Variants in BBS9 observed in about 807,000 individuals in gnomAD.
BBS9 encodes Bardet-Biedl syndrome 9, also known as protein PTHB1.
Under a neutral mutation model 117.7 loss-of-function variants are expected in BBS9, and 89 were observed. The ratio of observed to expected loss-of-function variants is 0.76; its 90% CI spans 0.64 to 0.90. The LOEUF (loss-of-function observed/expected upper bound fraction) is 0.90, where lower values mean the gene tolerates loss of function less well. Ranked by LOEUF, BBS9 falls within the 40% of genes least tolerant of loss-of-function variation. BBS9 has a pLI of 0.00. For missense variants in BBS9, 982 were observed against 1,042.2 expected, an observed-to-expected ratio of 0.94 and a Z score of 0.80; for synonymous variants, 379 against 370.9, an observed-to-expected ratio of 1.02 and a Z score of -0.25.
rs138740984 is a variant in BBS9, at chr7:33,261,417, T to C, written c.618-2873T>C. Among the ~76,000 whole-genome samples the C allele has an allele frequency of 2.3e-4, 35 of 152,302 alleles. No homozygotes were observed. The East Asian group carries it at 5.6e-3, about 24-fold the overall frequency. ...AGAGTGAAAAGTGTATAAAGAAAGCTTCTGTTTTGTTACTGGCATCTTTCA... is the reference window on the plus strand; with the variant it reads ...AGAGTGAAAAGTGTATAAAGAAAGCCTCTGTTTTGTTACTGGCATCTTTCA... On this transcript the variant is annotated intron_variant, in intron 6 of 22. Transcript: ENST00000242067.
At chr7:33,503,590 A>C (rs184478177) in intron 19 of BBS9, among the ~76,000 whole-genome samples, 2 of 152,298 alleles carry the variant, frequency 1.3e-5, no homozygotes, top group Admixed American at 1.3e-4. Context: ...GTCACCATTG[A>C]ATTCCCTACA....
intron 19 of BBS9, among the ~76,000 whole-genome samples, chr7:33,464,763 A>C: frequency 6.6e-6 from 1 of 152,144 alleles, no homozygotes; most frequent in Middle Eastern, 3.4e-3. Context: ...AGTCTATTAC[A>C]TAACTATTAT....
intron 15 of BBS9, 95 bp downstream of exon 15, chr7:33,352,968 A>C (rs1010095281): frequency 2.1e-5 from 27 of 1,307,488 alleles, no homozygotes; most frequent in Middle Eastern, 1.8e-4. Context: ...CTTTTTATGG[A>C]CTGCTCTTTT....
chr7:33,474,259 C>T (rs1194176849), intron 19 of BBS9, among the ~76,000 whole-genome samples: 1 of 152,132 alleles, frequency 6.6e-6, no homozygotes, highest in East Asian at 1.9e-4. Flanking sequence ...TTGCTTCAAA[C>T]CAGAATTGTT....
intron 1 of BBS9, among the ~76,000 whole-genome samples, chr7:33,136,876 G>A (rs1351212000): frequency 6.6e-6 from 1 of 152,128 alleles, no homozygotes; most frequent in East Asian, 1.9e-4. Flanking sequence ...TTTTGGAGTG[G>A]TTTTTGAAGA....
At chr7:33,463,217 A>G (rs530496719) in intron 19 of BBS9, among the ~76,000 whole-genome samples, 1 of 152,232 alleles carries the variant, frequency 6.6e-6, no homozygotes, top group East Asian at 1.9e-4. Context: ...GACAAAACCA[A>G]ACCAAAATCC....
chr7:33,223,193 T>C (rs947393304), intron 5 of BBS9, among the ~76,000 whole-genome samples: 1 of 152,106 alleles, frequency 6.6e-6, no homozygotes, highest in African/African-American at 2.4e-5. Context: ...ATAAAACTTT[T>C]ATATATTTAT....
chr7:33,442,470 A>G (rs989411298), intron 19 of BBS9, among the ~76,000 whole-genome samples: 1 of 152,206 alleles, frequency 6.6e-6, no homozygotes, highest in African/African-American at 2.4e-5. Flanking sequence ...TATTTGAAGT[A>G]CTTTGGAAAC....
At chr7:33,282,059 T>C (rs969203585) in intron 9 of BBS9, among the ~76,000 whole-genome samples, 3 of 152,044 alleles carry the variant, frequency 2.0e-5, no homozygotes, top group Non-Finnish European at 4.4e-5. Flanking sequence ...AGAGATCCTC[T>C]TTCCTTGGCC....
chr7:33,382,305 C>T (rs749136582), intron 17 of BBS9, among the ~76,000 whole-genome samples: 3 of 151,818 alleles, frequency 2.0e-5, no homozygotes, highest in Non-Finnish European at 2.9e-5. Flanking sequence ...ACTAAAAATA[C>T]AAAAATTGGC....
chr7:33,351,484 G>T, intron 14 of BBS9, 161 bp downstream of exon 14: 1 of 677,986 alleles, frequency 1.5e-6, no homozygotes. Context: ...TATGTGTTAT[G>T]AGTAGTTCGT....
rs147258790 is a variant in BBS9 at position 33,200,588 on chromosome 7, A to G, written c.442+22997A>G. Among the ~76,000 whole-genome samples, 5 of 152,258 alleles carry G rather than the reference A, an allele frequency of 3.3e-5. No individual in the cohort carries two copies. In the East Asian group the frequency reaches 9.6e-4, roughly 29 times the overall value. On this transcript the variant is annotated intron_variant, in intron 5 of 22. Transcript: ENST00000242067. Reference sequence around the variant, plus strand: ...ATTTTTAAAACACACATATTTATTTATATTGCCTTACAATTCCTGAAGGTT... The same window carrying G: ...ATTTTTAAAACACACATATTTATTTGTATTGCCTTACAATTCCTGAAGGTT...
chr7:33,425,084 C>G (rs1833458907), intron 19 of BBS9, among the ~76,000 whole-genome samples: 1 of 152,148 alleles, frequency 6.6e-6, no homozygotes, highest in Non-Finnish European at 1.5e-5. Flanking sequence ...TAAGGACATT[C>G]TAATCTACAG....
chr7:33,442,741 A>G (rs1836401258), intron 19 of BBS9, among the ~76,000 whole-genome samples: 1 of 152,220 alleles, frequency 6.6e-6, no homozygotes, highest in African/African-American at 2.4e-5. Context: ...AGGTGTATGC[A>G]TTAAGCATAA....
At chr7:33,170,885 C>A (rs1040756140) in intron 4 of BBS9, among the ~76,000 whole-genome samples, 2 of 151,832 alleles carry the variant, frequency 1.3e-5, no homozygotes, top group Non-Finnish European at 2.9e-5. Context: ...ACCTAGGAAT[C>A]CAACTTACAA....
chr7:33,563,203 G>A lies in BBS9; in HGVS notation c.2521+29027G>A, dbSNP rs527525350. On this transcript the variant is annotated intron_variant, in intron 21 of 22. Transcript: ENST00000242067. ...TAAGTTCAGATAATAATCAAATAAA[G>A]GATTTGCTAGAATATGTGTAGGCAC... Among the ~76,000 whole-genome samples the A allele has an allele frequency of 6.1e-4, 93 of 152,164 alleles. 2 individuals are homozygous for A. The Middle Eastern group carries it at 0.021, about 34-fold the overall frequency.
Position 33,282,520 on chromosome 7 carries a change from C to T in BBS9, c.1016+8564C>T, listed in dbSNP as rs372260256. Among the ~76,000 whole-genome samples, 17 of 152,064 alleles carry T rather than the reference C, an allele frequency of 1.1e-4. No homozygotes were observed. The East Asian group carries it at 2.5e-3, about 23-fold the overall frequency. ...CTGAGTATGTGGGATTACAGGTGCC[C>T]GCCACCATGACTGGCTAATTTTTTT... On this transcript the variant is annotated intron_variant, in intron 9 of 22. Transcript: ENST00000242067.
At position 33,409,435 on chromosome 7, in the gene BBS9, T is replaced by G. The variant is rs149642803; in HGVS notation, c.2115+21291T>G. On this transcript the variant is annotated intron_variant, in intron 19 of 22. Coordinates refer to ENST00000242067, the MANE Select transcript of BBS9 (RefSeq NM_198428.3). ...GGGAGTCTCTTCCCCATGCTTATTT[T>G]TGTTAATGTGTTAAAGATTGATGGT... 5.3e-5 allele frequency among the ~76,000 whole-genome samples: 8 copies of G among 152,324 alleles called. No homozygotes were observed. In the East Asian group the frequency reaches 1.5e-3, roughly 29 times the overall value.
At chr7:33,626,307 TA>T (rs1472113921) in intron 21 of BBS9, among the ~76,000 whole-genome samples, 1 of 152,220 alleles carries the variant, frequency 6.6e-6, no homozygotes, top group African/African-American at 2.4e-5. Context: ...TGAAGTCAAT[TA>T]AACCTCTTTT....
Sources: gnomAD v4.1 joint callset for allele counts (sites outside exome capture counted in the v4.1 genomes callset) on GRCh38, gnomAD v4.1.1 for gene constraint, MANE v1.5 for transcripts, NCBI Gene and HGNC (gene_info 2026-07-23, HGNC 2026-07-21) for gene names.